PLB1: variants seen among roughly 807,000 people sequenced by gnomAD.
PLB1 encodes phospholipase B1, also known as phospholipase B1, membrane-associated.
PLB1 carries 242 observed loss-of-function variants against 227.4 expected under a neutral mutation model. That is an observed-to-expected ratio of 1.06 (90% CI 0.96 to 1.18). The LOEUF (loss-of-function observed/expected upper bound fraction) is 1.18. PLB1 is among the 50% of genes most tolerant of loss of function. The probability of loss-of-function intolerance (pLI) is 0.00; values close to 1 mark genes in which losing one functional copy is unlikely to be tolerated. For missense variants in PLB1, 1,858 were observed against 1,816.3 expected (o/e 1.02, Z -0.42); for synonymous variants, 757 against 682.2 (o/e 1.11, Z -1.71).
chr2:28,636,775 A>G (rs1169670379), intron 56 of PLB1, among the ~76,000 whole-genome samples: 1 of 152,168 alleles, frequency 6.6e-6, no homozygotes, highest in Non-Finnish European at 1.5e-5. Flanking sequence ...AATAATATCT[A>G]TAAAGTTCAA....
At chr2:28,609,314 T>C (rs1685114173) in intron 43 of PLB1, among the ~76,000 whole-genome samples, 1 of 152,112 alleles carries the variant, frequency 6.6e-6, no homozygotes, top group African/African-American at 2.4e-5. Context: ...GATTCCTCAG[T>C]CTCTCAATCT....
chr2:28,626,568 T>A (rs10186023), intron 51 of PLB1, 60 bp downstream of exon 51: 4 of 1,452,852 alleles, frequency 2.8e-6, no homozygotes, highest in Non-Finnish European at 3.9e-6. Flanking sequence ...TCTGGCAACA[T>A]CCTTGCCCAT....
At chr2:28,539,290 C>A in intron 11 of PLB1, 112 bp downstream of exon 11, 1 of 962,326 alleles carries the variant, frequency 1.0e-6, no homozygotes, top group Non-Finnish European at 1.6e-6. Context: ...AGAACAGAGG[C>A]CAAAGGAGGC....
At chr2:28,631,165 AAG>A (rs1553465528) in intron 54 of PLB1, among the ~76,000 whole-genome samples, 1 of 151,358 alleles carries the variant, frequency 6.6e-6, no homozygotes, top group Non-Finnish European at 1.5e-5. Flanking sequence ...AAAAAAAAAA[AAG>A]AAAAAAAGAA....
intron 25 of PLB1, among the ~76,000 whole-genome samples, chr2:28,584,061 C>G (rs982932863): frequency 1.3e-5 from 2 of 152,194 alleles, no homozygotes; most frequent in African/African-American, 4.8e-5. Flanking sequence ...CCCTGCCCCC[C>G]AGCTCTGTTA....
At position 28,618,339 on chromosome 2, in the gene PLB1, A is replaced by G; in HGVS notation, c.3257-2A>G. Reference sequence around the variant, plus strand: ...AACCACCTCTCTGCTTGTCTCCCCTAGTCCACCAGCTCCGACCAGCAGACA... The same window carrying G: ...AACCACCTCTCTGCTTGTCTCCCCTGGTCCACCAGCTCCGACCAGCAGACA... On this transcript the variant is annotated splice_acceptor_variant, in intron 45 of 57. Transcript: ENST00000327757. LOFTEE classifies it high-confidence loss of function. The G allele has an allele frequency of 1.9e-6, 3 of 1,614,060 alleles. No individual in the cohort carries two copies. The highest frequency in any genetic ancestry group is 1.3e-5 in the African/African-American group (1 of 75,044).
Position 28,590,104 on chromosome 2 carries a change from C to A in PLB1, c.2088+28C>A, listed in dbSNP as rs774109659. 1.7e-5 allele frequency: 27 copies of A among 1,577,658 alleles called. 1 individual carries two copies. The South Asian group carries it at 2.9e-4, about 17-fold the overall frequency. On this transcript the variant is annotated intron_variant, in intron 29 of 57. Coordinates refer to ENST00000327757, the MANE Select transcript of PLB1 (RefSeq NM_153021.5). Reference sequence around the variant, plus strand: ...AGAGTGGAAAGCACGTCCTTCCAGGCTCCGGCTGCACTGGGCTTCTTGGCT... The same window carrying A: ...AGAGTGGAAAGCACGTCCTTCCAGGATCCGGCTGCACTGGGCTTCTTGGCT...
intron 21 of PLB1, among the ~76,000 whole-genome samples, chr2:28,577,121 G>C (rs976362557): frequency 1.2e-4 from 18 of 152,300 alleles, no homozygotes; most frequent in African/African-American, 3.4e-4. Flanking sequence ...ATGTTACCAT[G>C]CTCATTTCCC....
chr2:28,504,890 A>G (rs1667481460), intron 1 of PLB1, among the ~76,000 whole-genome samples: 1 of 152,156 alleles, frequency 6.6e-6, no homozygotes, highest in African/African-American at 2.4e-5. Context: ...TATGTACTAT[A>G]CCTGGTTATC....
chr2:28,580,970 G>A (rs557508890), intron 23 of PLB1, among the ~76,000 whole-genome samples: 30 of 152,218 alleles, frequency 2.0e-4, no homozygotes, highest in Non-Finnish European at 3.8e-4. Flanking sequence ...CCAGGAGTCA[G>A]GAGTTTTCAA....
At chr2:28,597,745 A>T (rs1312575063) in intron 33 of PLB1, among the ~76,000 whole-genome samples, 2 of 152,216 alleles carry the variant, frequency 1.3e-5, no homozygotes, top group African/African-American at 2.4e-5. Flanking sequence ...CACATAGTAT[A>T]TACTCAGCTA....
At chr2:28,609,959 T>C (rs1464400729) in intron 43 of PLB1, among the ~76,000 whole-genome samples, 1 of 152,162 alleles carries the variant, frequency 6.6e-6, no homozygotes, top group Non-Finnish European at 1.5e-5. Flanking sequence ...ACAATAGACT[T>C]ATGTAATCTT....
chr2:28,617,994 T>G (rs1340185191), intron 45 of PLB1, among the ~76,000 whole-genome samples: 1 of 152,198 alleles, frequency 6.6e-6, no homozygotes, highest in Non-Finnish European at 1.5e-5. Context: ...TCTTGTCTCC[T>G]TATAGTCCCA....
intron 26 of PLB1, among the ~76,000 whole-genome samples, chr2:28,587,162 T>G (rs1444482362): frequency 1.3e-5 from 2 of 152,158 alleles, no homozygotes; most frequent in African/African-American, 4.8e-5. Flanking sequence ...CCTGTTTCAA[T>G]TGGGGTTACT....
chr2:28,511,432 T>C (rs766152568), intron 1 of PLB1, among the ~76,000 whole-genome samples: 5 of 152,222 alleles, frequency 3.3e-5, no homozygotes, highest in African/African-American at 1.2e-4. Context: ...ACAGTAAATA[T>C]TATTTTAGGT....
chr2:28,541,280 G>A (rs1672448759), intron 12 of PLB1, among the ~76,000 whole-genome samples: 1 of 152,220 alleles, frequency 6.6e-6, no homozygotes, highest in African/African-American at 2.4e-5. Context: ...GTTAGCATGT[G>A]TTAACATGAT....
chr2:28,597,264 G>GAAAAA (rs57713254), intron 33 of PLB1, among the ~76,000 whole-genome samples: 3 of 85,534 alleles, frequency 3.5e-5, no homozygotes, highest in African/African-American at 1.2e-4. Flanking sequence ...ACTCCGTCTC[G>GAAAAA]AAAAAAAAAA....
In PLB1 at chr2:28,591,301, G is replaced by T. The variant is rs529212175; in HGVS notation, c.2127+130G>T. On this transcript the variant is annotated intron_variant, in intron 30 of 57. Coordinates refer to ENST00000327757, the MANE Select transcript of PLB1 (RefSeq NM_153021.5). Reference sequence around the variant, plus strand: ...AGATGGGCATAAAGGCCACCCACCTGACCTTCAGATGGGGTAGTGGGCAGA... The same window carrying T: ...AGATGGGCATAAAGGCCACCCACCTTACCTTCAGATGGGGTAGTGGGCAGA... 5.2e-6 allele frequency: 6 copies of T among 1,143,156 alleles called. No individual in the cohort carries two copies. In the Admixed American group the frequency reaches 1.1e-4, roughly 20 times the overall value. The allele number at this position is 1,143,156 out of a possible 1,614,324, so 70.8% of individuals were successfully genotyped here.
chr2:28,573,299 G>C lies in PLB1; in HGVS notation c.1427G>C (p.Arg476Pro). Residue 476 changes from arginine (R) to proline (P), a missense_variant, in exon 21 of 58, where the codon CGA becomes CCA. Physicochemically the swap from Arg to Pro is moderately radical, Grantham distance 103. Transcript: ENST00000327757. ...AFLNQAVAGG[R>P]AEDLPVQARR... ...TTAAACCAGGCTGTGGCAGGAGGCC[G>C]AGCTGAGTAAGCAGGGGTGACCGGG... 1 of 1,612,490 alleles carries C rather than the reference G, an allele frequency of 6.2e-7. No homozygotes were observed. Among genetic ancestry groups the C allele is most frequent in the Non-Finnish European group, 8.5e-7 (1 of 1,178,858 alleles).
Sources: gnomAD v4.1 joint callset for allele counts (sites outside exome capture counted in the v4.1 genomes callset) on GRCh38, gnomAD v4.1.1 for gene constraint, MANE v1.5 for transcripts, NCBI Gene and HGNC (gene_info 2026-07-23, HGNC 2026-07-21) for gene names.